The following WWOX variants were observed in gnomAD, a reference collection of about 807,000 sequenced individuals.
The protein encoded by WWOX is WW domain-containing oxidoreductase.
In WWOX, 69 loss-of-function variants were observed where a neutral mutation model predicts 46.2. The ratio of observed to expected loss-of-function variants is 1.49; its 90% confidence interval spans 1.23 to 1.82. The LOEUF is 1.82. Among genes scored for constraint, WWOX ranks in the 40% most tolerant of loss-of-function variants. The pLI, the probability that WWOX is intolerant of heterozygous loss-of-function variation, is 0.00. For synonymous variants in WWOX, 359 were observed against 202.6 expected (o/e 1.77, Z -6.56); for missense variants, 919 against 542.6 (o/e 1.69, Z -6.89).
At chr16:78,612,706 C>G (rs1434027173) in intron 8 of WWOX, among the ~76,000 whole-genome samples, 2 of 152,076 alleles carry the variant, frequency 1.3e-5, no homozygotes, top group African/African-American at 4.8e-5. Context: ...AACTCCTGGC[C>G]TCTCAAGCCA....
At chr16:78,846,627 G>C (rs543655998) in intron 8 of WWOX, among the ~76,000 whole-genome samples, 2 of 152,226 alleles carry the variant, frequency 1.3e-5, no homozygotes, top group East Asian at 3.9e-4. Context: ...CTTATTACTA[G>C]TGATGTTAGC....
chr16:79,158,170 T>C (rs1009582067), intron 8 of WWOX, among the ~76,000 whole-genome samples: 3 of 152,122 alleles, frequency 2.0e-5, no homozygotes, highest in Non-Finnish European at 4.4e-5. Context: ...TTTAAAAATA[T>C]ATATGTTGGG....
In WWOX at chr16:79,122,335, C is replaced by G. The variant is rs994165684; in HGVS notation, c.1057-89273C>G. On this transcript the variant is annotated intron_variant, in intron 8 of 8. Coordinates refer to ENST00000566780, the MANE Select transcript of WWOX (RefSeq NM_016373.4). ...CCCTTGTTCAGGCGGCATTAACCCC[C>G]TTACCCTGGCTATTGGAACAATAGC... Among the ~76,000 whole-genome samples, 9 of 152,210 alleles carry G rather than the reference C, an allele frequency of 5.9e-5. No homozygotes were observed. The South Asian group carries it at 1.9e-3, about 32-fold the overall frequency.
intron 8 of WWOX, among the ~76,000 whole-genome samples, chr16:78,755,235 A>C (rs780323708): frequency 1.2e-4 from 3 of 24,130 alleles, no homozygotes; most frequent in African/African-American, 1.9e-4. Context: ...AAGTTTCATC[A>C]AAAAAAAAAA....
At chr16:78,149,211 T>C (rs2034313269) in intron 4 of WWOX, among the ~76,000 whole-genome samples, 1 of 152,162 alleles carries the variant, frequency 6.6e-6, no homozygotes, top group Non-Finnish European at 1.5e-5. Flanking sequence ...CAGTGAAGAC[T>C]TTTGGAAATT....
chr16:78,923,652 C>G (rs145707097), intron 8 of WWOX, among the ~76,000 whole-genome samples: 1 of 152,106 alleles, frequency 6.6e-6, no homozygotes, highest in East Asian at 1.9e-4. Flanking sequence ...TAATATATGG[C>G]TTTTTCCTAT....
At chr16:78,236,186 T>C (rs1238547098) in intron 5 of WWOX, among the ~76,000 whole-genome samples, 3 of 152,216 alleles carry the variant, frequency 2.0e-5, no homozygotes, top group African/African-American at 7.2e-5. Context: ...AATCTCGTGA[T>C]AGGGCAAGGT....
chr16:78,110,870 C>T (rs929774968), intron 3 of WWOX, among the ~76,000 whole-genome samples: 1 of 152,094 alleles, frequency 6.6e-6, no homozygotes, highest in Non-Finnish European at 1.5e-5. Flanking sequence ...AGCACCTGCT[C>T]CAGGGACTGT....
At chr16:78,748,550 CCATTG>C (rs2049402920) in intron 8 of WWOX, among the ~76,000 whole-genome samples, 1 of 152,104 alleles carries the variant, frequency 6.6e-6, no homozygotes, top group Non-Finnish European at 1.5e-5. Context: ...GCCTGCTTTA[CCATTG>C]GAGACCTCAG....
At chr16:78,859,180 G>T (rs1281936257) in intron 8 of WWOX, among the ~76,000 whole-genome samples, 1 of 151,064 alleles carries the variant, frequency 6.6e-6, no homozygotes, top group Non-Finnish European at 1.5e-5. Flanking sequence ...CACCTTTGCA[G>T]AGAAGCAGGA....
chr16:78,241,271 A>G (rs1284443439), intron 5 of WWOX: 2 of 146,650 alleles, frequency 1.4e-5, no homozygotes, highest in African/African-American at 5.3e-5. Context: ...GTCAGCATCT[A>G]TTATTATCAT....
intron 8 of WWOX, among the ~76,000 whole-genome samples, chr16:78,984,319 C>A (rs1402569550): frequency 6.6e-6 from 1 of 152,154 alleles, no homozygotes; most frequent in African/African-American, 2.4e-5. Context: ...AGTCCCCCAC[C>A]TCCAAGAAAG....
At chr16:78,174,680 G>A (rs2035274297) in intron 5 of WWOX, among the ~76,000 whole-genome samples, 1 of 152,166 alleles carries the variant, frequency 6.6e-6, no homozygotes, top group African/African-American at 2.4e-5. Context: ...TCCCACCAAT[G>A]TGTCAATTAA....
intron 5 of WWOX, among the ~76,000 whole-genome samples, chr16:78,367,267 C>T (rs898511284): frequency 6.6e-6 from 1 of 152,142 alleles, no homozygotes; most frequent in Non-Finnish European, 1.5e-5. Context: ...GCGTGAGCCA[C>T]CGCACCCAGC....
At chr16:78,170,396 A>T (rs954833565) in intron 5 of WWOX, among the ~76,000 whole-genome samples, 20 of 152,212 alleles carry the variant, frequency 1.3e-4, no homozygotes, top group Non-Finnish European at 2.9e-5. Flanking sequence ...CCATTGTGGA[A>T]TAAATTAAGT....
At chr16:78,718,092 G>GTTTTTTTTTTTTTTTTTTTT in intron 8 of WWOX, among the ~76,000 whole-genome samples, 11 of 139,654 alleles carry the variant, frequency 7.9e-5, no homozygotes, top group African/African-American at 3.2e-4. Flanking sequence ...GGTTCTGGTG[G>GTTTTTTTTTTTTTTTTTTTT]TTGTATTTTT....
intron 8 of WWOX, among the ~76,000 whole-genome samples, chr16:78,584,976 T>C (rs961683065): frequency 6.6e-6 from 1 of 152,050 alleles, no homozygotes; most frequent in Non-Finnish European, 1.5e-5. Flanking sequence ...TGCCTGAGGG[T>C]TGGGTGCCAA....
rs755100146 is a variant in WWOX, at chr16:78,342,377, C to T, written c.517-44483C>T. On this transcript the variant is annotated intron_variant, in intron 5 of 8. Coordinates refer to ENST00000566780, the MANE Select transcript of WWOX (RefSeq NM_016373.4). Reference sequence around the variant, plus strand: ...GTGAAGGCAGACTTGAAGGGGACTCCACTGTCTTGGAGCTACACTCTAAAA... The same window carrying T: ...GTGAAGGCAGACTTGAAGGGGACTCTACTGTCTTGGAGCTACACTCTAAAA... Among the ~76,000 whole-genome samples the T allele has an allele frequency of 1.4e-4, 17 of 121,168 alleles. 4 individuals carry two copies. Among genetic ancestry groups the T allele is most frequent in the Non-Finnish European group, 3.0e-4 (15 of 50,634 alleles). 79.5% of individuals were successfully genotyped at this position (121,168 alleles called of 152,430 possible).
chr16:78,676,828 C>G (rs143218292), intron 8 of WWOX, among the ~76,000 whole-genome samples: 12 of 152,242 alleles, frequency 7.9e-5, no homozygotes, highest in Admixed American at 2.0e-4. Context: ...GATAGGACCT[C>G]AGGAAAAATA....
Sources: gnomAD v4.1 joint callset for allele counts (sites outside exome capture counted in the v4.1 genomes callset) on GRCh38, gnomAD v4.1.1 for gene constraint, MANE v1.5 for transcripts, NCBI Gene and HGNC (gene_info 2026-07-23, HGNC 2026-07-21) for gene names.